Variants in ZSWIM5 observed in about 807,000 individuals in gnomAD.
ZSWIM5 encodes the protein zinc finger SWIM-type containing 5.
ZSWIM5 carries 55 observed loss-of-function variants against 119.6 expected under a neutral mutation model. The ratio of observed to expected loss-of-function variants is 0.46; its 90% CI spans 0.37 to 0.58. The LOEUF (loss-of-function observed/expected upper bound fraction) is 0.58. ZSWIM5 is among the 20% of genes least tolerant of loss of function. ZSWIM5 has a pLI of 0.00. For synonymous variants in ZSWIM5, 537 were observed against 606.9 expected (o/e 0.88, Z 1.69); for missense variants, 1,193 against 1,512.8 (o/e 0.79, Z 3.51).
intron 1 of ZSWIM5, among the ~76,000 whole-genome samples, chr1:45,184,445 G>A (rs1378864821): frequency 1.3e-5 from 2 of 152,202 alleles, no homozygotes; most frequent in Non-Finnish European, 2.9e-5. Flanking sequence ...ATTAGGAAAA[G>A]AGGAAGTCAA....
intron 4 of ZSWIM5, among the ~76,000 whole-genome samples, chr1:45,054,209 T>G (rs914707383): frequency 4.0e-5 from 6 of 151,488 alleles, no homozygotes; most frequent in Non-Finnish European, 5.9e-5. Context: ...TCCCAGGAGT[T>G]TGAGTTGCAG....
chr1:45,079,595 C>T (rs2149007949), intron 2 of ZSWIM5, among the ~76,000 whole-genome samples: 1 of 152,230 alleles, frequency 6.6e-6, no homozygotes, highest in African/African-American at 2.4e-5. Context: ...CCCAAGAGGT[C>T]ACTTGGTGCT....
intron 1 of ZSWIM5, among the ~76,000 whole-genome samples, chr1:45,183,374 C>G (rs191655066): frequency 5.9e-5 from 9 of 152,076 alleles, no homozygotes; most frequent in Admixed American, 5.9e-4. Flanking sequence ...CAAAAACTAG[C>G]AGAAGGCAAG....
chr1:45,157,012 C>T (rs1645830576), intron 1 of ZSWIM5, among the ~76,000 whole-genome samples: 1 of 152,114 alleles, frequency 6.6e-6, no homozygotes, highest in Non-Finnish European at 1.5e-5. Context: ...TAGAACCTTA[C>T]CATTATCCCA....
rs548038686 is a variant in ZSWIM5 at position 45,167,834 on chromosome 1, G to T, written c.595+37922C>A. Among the ~76,000 whole-genome samples, 5 of 152,272 alleles carry T rather than the reference G, an allele frequency of 3.3e-5. No individual in the cohort carries two copies. In the South Asian group the frequency reaches 6.2e-4, roughly 19 times the overall value. The stretch of plus-strand genomic sequence containing the variant: ...AGAAGTCAGGAAACAACAGGTGCTG[G>T]AGAGGATGTGGAGAAACAGGAACAC... On this transcript the variant is annotated intron_variant, in intron 1 of 13. Coordinates refer to ENST00000359600, the MANE Select transcript of ZSWIM5 (RefSeq NM_020883.2).
chr1:45,050,988 G>A, intron 5 of ZSWIM5, 86 bp downstream of exon 5: 1 of 1,313,224 alleles, frequency 7.6e-7, no homozygotes, highest in South Asian at 1.6e-5. Flanking sequence ...CAGCTAAAAG[G>A]CTATCCAGCT....
At chr1:45,163,668 T>C (rs539666678) in intron 1 of ZSWIM5, among the ~76,000 whole-genome samples, 1 of 152,142 alleles carries the variant, frequency 6.6e-6, no homozygotes, top group Non-Finnish European at 1.5e-5. Flanking sequence ...ACGAGAACTA[T>C]GTGACGCATG....
At chr1:45,146,690 T>C (rs1234509101) in intron 1 of ZSWIM5, among the ~76,000 whole-genome samples, 1 of 145,586 alleles carries the variant, frequency 6.9e-6, no homozygotes, top group Non-Finnish European at 1.5e-5. Flanking sequence ...TCCACCCGCC[T>C]CAGCCTTCCA....
intron 1 of ZSWIM5, among the ~76,000 whole-genome samples, chr1:45,176,008 T>C (rs1045035882): frequency 1.3e-5 from 2 of 151,818 alleles, no homozygotes; most frequent in African/African-American, 4.8e-5. Context: ...AATTCAGCCA[T>C]TTCTCCAAGG....
chr1:45,081,460 G>A (rs1193142278), intron 2 of ZSWIM5, among the ~76,000 whole-genome samples: 4 of 151,966 alleles, frequency 2.6e-5, no homozygotes, highest in East Asian at 1.9e-4. Context: ...GCAGGCGCGC[G>A]CCGCCACGCC....
chr1:45,026,410 T>G (rs544818827), intron 11 of ZSWIM5, among the ~76,000 whole-genome samples: 4 of 131,510 alleles, frequency 3.0e-5, no homozygotes, highest in East Asian at 2.4e-4. Context: ...TTGCTAAGGG[T>G]TTTTTTTTTT....
At chr1:45,039,941 G>C (rs1403841674) in intron 7 of ZSWIM5, among the ~76,000 whole-genome samples, 8 of 152,072 alleles carry the variant, frequency 5.3e-5, no homozygotes, top group Non-Finnish European at 7.4e-5. Flanking sequence ...CCCGACCTCA[G>C]GTGATTGCCT....
At chr1:45,026,383 TCTC>T (rs1376689722) in intron 11 of ZSWIM5, among the ~76,000 whole-genome samples, 2 of 151,918 alleles carry the variant, frequency 1.3e-5, no homozygotes, top group Non-Finnish European at 2.9e-5. Flanking sequence ...TTGAGGCAGT[TCTC>T]CTCTATTCCT....
intron 1 of ZSWIM5, among the ~76,000 whole-genome samples, chr1:45,205,522 A>G (rs1366032221): frequency 6.6e-6 from 1 of 152,188 alleles, no homozygotes; most frequent in Non-Finnish European, 1.5e-5. Flanking sequence ...AGTGAAGAAG[A>G]GAGATCTATT....
chr1:45,043,418 C>A, intron 5 of ZSWIM5, 23 bp from the exon 6 acceptor site: 2 of 1,612,616 alleles, frequency 1.2e-6, no homozygotes, highest in Non-Finnish European at 1.7e-6. Flanking sequence ...GAACATGCAG[C>A]AGTACAGTGA....
intron 5 of ZSWIM5, among the ~76,000 whole-genome samples, chr1:45,048,180 C>G (rs1225568566): frequency 6.7e-6 from 1 of 148,920 alleles, no homozygotes; most frequent in Non-Finnish European, 1.5e-5. Context: ...ACCTCCTGGG[C>G]TCAAGCAATC....
At chr1:45,073,606 TG>T (rs1645237745) in intron 2 of ZSWIM5, among the ~76,000 whole-genome samples, 1 of 151,876 alleles carries the variant, frequency 6.6e-6, no homozygotes, top group South Asian at 2.1e-4. Flanking sequence ...TTACTGAATT[TG>T]TTCATCAATT....
rs142392664 is a variant in ZSWIM5 at position 45,074,649 on chromosome 1, G to A, written c.952+13232C>T. Among the ~76,000 whole-genome samples, 50 of 151,452 alleles carry A rather than the reference G, an allele frequency of 3.3e-4. 1 individual carries two copies. The highest frequency in any genetic ancestry group is 1.1e-3 in the African/African-American group (45 of 41,168). The stretch of plus-strand genomic sequence containing the variant: ...GTATGGCTAAAGGTTTGTCAATTTT[G>A]TTTAACTTTTCAAAAAACCAACCTT... On this transcript the variant is annotated intron_variant, in intron 2 of 13. Transcript: ENST00000359600.
At chr1:45,153,343 G>A (rs1456576670) in intron 1 of ZSWIM5, among the ~76,000 whole-genome samples, 5 of 151,272 alleles carry the variant, frequency 3.3e-5, no homozygotes, top group Non-Finnish European at 4.4e-5. Flanking sequence ...CCAACATTGC[G>A]AAAAATATAA....
Sources: allele counts gnomAD v4.1 joint callset (sites outside exome capture counted in the v4.1 genomes callset), GRCh38; gene constraint gnomAD v4.1.1; transcripts MANE v1.5; gene names NCBI Gene and HGNC (gene_info 2026-07-23, HGNC 2026-07-21).